The following DNAJB6 variants were observed in gnomAD, a reference collection of about 807,000 sequenced individuals.
The protein encoded by DNAJB6 is DnaJ heat shock protein family (Hsp40) member B6.
DNAJB6 carries 16 observed loss-of-function variants against 42.7 expected under a neutral mutation model. The ratio of observed to expected loss-of-function variants is 0.37; its 90% CI spans 0.25 to 0.57. DNAJB6 has a LOEUF of 0.57. DNAJB6 is among the 20% of genes least tolerant of loss of function. DNAJB6 has a pLI of 0.74. For missense variants in DNAJB6, 347 were observed against 416.8 expected, an observed-to-expected ratio of 0.83 and a Z score of 1.46; for synonymous variants, 170 against 163.5, an observed-to-expected ratio of 1.04 and a Z score of -0.30.
rs67210462 is a variant in DNAJB6, at chr7:157,340,998, G to GTGTGTGTGTGCGCGCGCGCGCGCGCT, written c.-27+3854_-27+3855insTGTGTGTGTGCGCGCGCGCGCGCGCT. On this transcript the variant is annotated intron_variant, in intron 1 of 9. Coordinates refer to ENST00000262177, the MANE Select transcript of DNAJB6 (RefSeq NM_058246.4). Reference sequence around the variant, plus strand: ...TGTGTGTGTGTGTGTGTGTGTGTGTGCGCGCGCGCAGGTGGAATCACCCTG... The same window carrying GTGTGTGTGTGCGCGCGCGCGCGCGCT: ...TGTGTGTGTGTGTGTGTGTGTGTGTGTGTGTGTGTGCGCGCGCGCGCGCGCTCGCGCGCGCAGGTGGAATCACCCTG... Among the ~76,000 whole-genome samples, 404 of 134,990 alleles carry GTGTGTGTGTGCGCGCGCGCGCGCGCT rather than the reference G, an allele frequency of 3.0e-3. 1 individual carries two copies. The highest frequency in any genetic ancestry group is 4.2e-3 in the Non-Finnish European group (270 of 64,696). The allele number at this position is 134,990 out of a possible 152,430, so 88.6% of individuals were successfully genotyped here.
chr7:157,387,749 T>C (rs1224827687), intron 8 of DNAJB6, among the ~76,000 whole-genome samples: 2 of 152,234 alleles, frequency 1.3e-5, no homozygotes, highest in Non-Finnish European at 2.9e-5. Context: ...AGGTAAAATA[T>C]GTTTGACTCC....
In DNAJB6 at chr7:157,376,633, C is replaced by T. The variant is rs909262401; in HGVS notation, c.347-5613C>T. Among the ~76,000 whole-genome samples, 4 of 152,154 alleles carry T rather than the reference C, an allele frequency of 2.6e-5. No individual in the cohort carries two copies. The East Asian group carries it at 7.7e-4, about 29-fold the overall frequency. On this transcript the variant is annotated intron_variant, in intron 5 of 9. Coordinates refer to ENST00000262177, the MANE Select transcript of DNAJB6 (RefSeq NM_058246.4). ...ATCAGATCATAACCTGTAATCCCTGCACTTTGGGAGGCTGAGGCGGATGGA... is the reference window on the plus strand; with the variant it reads ...ATCAGATCATAACCTGTAATCCCTGTACTTTGGGAGGCTGAGGCGGATGGA...
intron 8 of DNAJB6, among the ~76,000 whole-genome samples, chr7:157,391,038 G>A (rs529905854): frequency 2.6e-5 from 4 of 152,210 alleles, no homozygotes; most frequent in East Asian, 1.9e-4. Flanking sequence ...GTTTTGCCGT[G>A]TTGCCCAGGC....
chr7:157,416,399 C>G lies in DNAJB6; in HGVS notation c.*301C>G. The G allele has an allele frequency of 2.7e-6, 1 of 374,384 alleles. No individual in the cohort carries two copies. 23.2% of individuals were successfully genotyped at this position (374,384 alleles called of 1,614,324 possible). A position where few individuals can be genotyped will look rare whatever the true frequency, so the allele number is the denominator to read the frequency against. On this transcript the variant is annotated 3_prime_UTR_variant, in exon 10 of 10. Transcript: ENST00000262177. ...TCTTCATTCTTTTCGGCTACTCAACCACTCCGCATGCTGCTGGAATATTTC... is the reference window on the plus strand; with the variant it reads ...TCTTCATTCTTTTCGGCTACTCAACGACTCCGCATGCTGCTGGAATATTTC...
In DNAJB6 at chr7:157,358,631, A is replaced by G. The variant is rs772675515; in HGVS notation, c.59A>G (p.Lys20Arg). 5.0e-6 allele frequency: 8 copies of G among 1,611,562 alleles called. No individual in the cohort carries two copies. In the Admixed American group the frequency reaches 1.0e-4, roughly 20 times the overall value. Residue 20 changes from lysine to arginine, a missense_variant, in exon 2 of 10, where the codon AAA becomes AGA. By Grantham distance (26) the Lys-to-Arg change is conservative (BLOSUM62 2). Around this residue, in one of 3 missense-constraint regions of DNAJB6, gnomAD observed 78 missense variants for 102.1 expected, o/e 0.76. Transcript: ENST00000262177. ...VQRHASPEDIKKAYRKLALKW... is the reference protein window; with the variant it reads ...VQRHASPEDIRKAYRKLALKW... ...AGACATGCCTCACCCGAGGATATTA[A>G]AAAGGCGTAAGTAGTTTTATTTCTG...
At chr7:157,377,678 C>G (rs1219361946) in intron 5 of DNAJB6, among the ~76,000 whole-genome samples, 1 of 152,182 alleles carries the variant, frequency 6.6e-6, no homozygotes, top group Non-Finnish European at 1.5e-5. Context: ...GGGAGGCAAG[C>G]TGCTTTACCA....
chr7:157,366,094 G>A (rs1799831571), intron 3 of DNAJB6, among the ~76,000 whole-genome samples: 1 of 152,070 alleles, frequency 6.6e-6, no homozygotes, highest in Non-Finnish European at 1.5e-5. Context: ...GGGATTACAA[G>A]TGCCTGCCAC....
intron 8 of DNAJB6, among the ~76,000 whole-genome samples, chr7:157,406,919 G>A (rs1584949294): frequency 6.6e-6 from 1 of 152,230 alleles, no homozygotes; most frequent in Non-Finnish European, 1.5e-5. Context: ...TTCCTCCGTG[G>A]TGGGAGGAGG....
At chr7:157,343,892 A>G (rs553326748) in intron 1 of DNAJB6, among the ~76,000 whole-genome samples, 1 of 152,224 alleles carries the variant, frequency 6.6e-6, no homozygotes, top group South Asian at 2.1e-4. Flanking sequence ...CTTGATTTAG[A>G]TGTATTGCTT....
rs548095526 is a variant in DNAJB6, at chr7:157,416,502, T to C, written c.*404T>C. 1.1e-5 allele frequency: 2 copies of C among 187,182 alleles called. No individual in the cohort carries two copies. Among genetic ancestry groups the C allele is most frequent in the Admixed American group, 1.1e-4 (2 of 17,570 alleles). The allele number at this position is 187,182 out of a possible 1,614,324, so 11.6% of individuals were successfully genotyped here. On this transcript the variant is annotated 3_prime_UTR_variant, in exon 10 of 10. Transcript: ENST00000262177. ...AATGAGGCTTTCTGTGGCGGCGTAGTGTTTGGAATTAGAAGGTAATTCAGT... is the reference window on the plus strand; with the variant it reads ...AATGAGGCTTTCTGTGGCGGCGTAGCGTTTGGAATTAGAAGGTAATTCAGT...
chr7:157,366,937 G>C (rs1473474333), intron 4 of DNAJB6, among the ~76,000 whole-genome samples: 1 of 152,146 alleles, frequency 6.6e-6, no homozygotes, highest in Non-Finnish European at 1.5e-5. Flanking sequence ...AAGTTCCCAC[G>C]GTCACTGGGC....
chr7:157,405,725 T>G (rs1795744420), intron 8 of DNAJB6, among the ~76,000 whole-genome samples: 1 of 152,174 alleles, frequency 6.6e-6, no homozygotes, highest in Non-Finnish European at 1.5e-5. Context: ...CTGATCCCGT[T>G]GTGGCCAGGA....
intron 8 of DNAJB6, among the ~76,000 whole-genome samples, chr7:157,396,108 C>T (rs1801573451): frequency 6.6e-6 from 1 of 151,830 alleles, no homozygotes; most frequent in South Asian, 2.1e-4. Context: ...CCACCACGCC[C>T]AGCTAATATT....
intron 1 of DNAJB6, among the ~76,000 whole-genome samples, chr7:157,350,453 G>C (rs1451962147): frequency 6.6e-6 from 1 of 152,172 alleles, no homozygotes; most frequent in Non-Finnish European, 1.5e-5. Flanking sequence ...CCGCTCCCCA[G>C]CATAAGGAAG....
intron 8 of DNAJB6, among the ~76,000 whole-genome samples, chr7:157,387,428 A>G (rs1171856241): frequency 6.6e-6 from 1 of 152,032 alleles, no homozygotes; most frequent in Non-Finnish European, 1.5e-5. Context: ...GCGATCATAG[A>G]GCGCGCTTTT....
chr7:157,388,219 C>T (rs1801170346), intron 8 of DNAJB6, among the ~76,000 whole-genome samples: 1 of 152,170 alleles, frequency 6.6e-6, no homozygotes, highest in Non-Finnish European at 1.5e-5. Context: ...GAATAGAAAG[C>T]CTATTTGTTG....
intron 8 of DNAJB6, among the ~76,000 whole-genome samples, chr7:157,393,178 T>G (rs1801428451): frequency 1.3e-5 from 2 of 152,072 alleles, no homozygotes; most frequent in African/African-American, 2.4e-5. Flanking sequence ...GTTTCACTAT[T>G]TTGGTCAGGC....
intron 8 of DNAJB6, among the ~76,000 whole-genome samples, chr7:157,389,336 ATC>A (rs1402436999): frequency 1.3e-5 from 2 of 152,264 alleles, no homozygotes; most frequent in African/African-American, 4.8e-5. Flanking sequence ...TTGGCATATT[ATC>A]TCTGTTATTG....
intron 9 of DNAJB6, chr7:157,412,226 T>C (rs1366327698): frequency 6.6e-6 from 1 of 152,134 alleles, no homozygotes; most frequent in Non-Finnish European, 1.5e-5. Flanking sequence ...GGAGTGAAAT[T>C]GCAAAGCAGG....
Sources: gnomAD v4.1 joint callset for allele counts (sites outside exome capture counted in the v4.1 genomes callset) on GRCh38, gnomAD v4.1.1 for gene constraint, gnomAD v4.1.1 regional missense constraint, MANE v1.5 for transcripts, NCBI Gene and HGNC (gene_info 2026-07-23, HGNC 2026-07-21) for gene names.